Variants in PCDH15 observed in about 807,000 individuals in gnomAD.
The protein encoded by PCDH15 is protocadherin related 15.
Under a neutral mutation model 178.5 loss-of-function variants are expected in PCDH15, and 129 were observed. The ratio of observed to expected loss-of-function variants is 0.72; its 90% confidence interval spans 0.63 to 0.84. The LOEUF is 0.84. Ranked by LOEUF, PCDH15 falls within the 40% of genes least tolerant of loss-of-function variation. PCDH15 has a pLI of 0.00. For synonymous variants in PCDH15, 800 were observed against 732.0 expected (o/e 1.09, Z -1.50); for missense variants, 2,230 against 2,099.9 (o/e 1.06, Z -1.21).
intron 10 of PCDH15, among the ~76,000 whole-genome samples, chr10:54,198,856 C>G (rs931139293): frequency 6.6e-6 from 1 of 152,078 alleles, no homozygotes; most frequent in African/African-American, 2.4e-5. Flanking sequence ...AACTTTTCCT[C>G]TTTCCCCGAT....
chr10:54,582,397 T>C (rs1221637743), intron 2 of PCDH15, among the ~76,000 whole-genome samples: 1 of 152,058 alleles, frequency 6.6e-6, no homozygotes, highest in East Asian at 1.9e-4. Flanking sequence ...ACTGGTAAAA[T>C]TTACAGCTTC....
At chr10:54,454,047 TAG>T (rs1418253046) in intron 3 of PCDH15, among the ~76,000 whole-genome samples, 1 of 148,892 alleles carries the variant, frequency 6.7e-6, no homozygotes, top group Non-Finnish European at 1.5e-5. Flanking sequence ...ATAAATATAA[TAG>T]AGATTAAATA....
chr10:54,646,068 A>C (rs1736993016), intron 2 of PCDH15, among the ~76,000 whole-genome samples: 1 of 152,054 alleles, frequency 6.6e-6, no homozygotes, highest in South Asian at 2.1e-4. Flanking sequence ...CACACACTAC[A>C]TGTTTTATCG....
chr10:53,891,535 C>T (rs1263113457), intron 26 of PCDH15, among the ~76,000 whole-genome samples: 2 of 152,088 alleles, frequency 1.3e-5, no homozygotes, highest in East Asian at 3.9e-4. Context: ...ATATATGAGC[C>T]ACCAGCAAGT....
At chr10:55,362,318 A>G (rs999111334) in intron 2 of PCDH15, among the ~76,000 whole-genome samples, 4 of 152,158 alleles carry the variant, frequency 2.6e-5, no homozygotes, top group African/African-American at 9.6e-5. Context: ...AGAAATATTT[A>G]TGGCACATTC....
rs559792028 is a variant in PCDH15 at position 54,232,933 on chromosome 10, T to A, written c.985+3890A>T. On this transcript the variant is annotated intron_variant, in intron 9 of 37. Coordinates refer to ENST00000644397, the MANE Select transcript of PCDH15 (RefSeq NM_001384140.1). The stretch of plus-strand genomic sequence containing the variant: ...TTGTTTAGCTTTCTTTCTTTTTTTT[T>A]TTTTTTTTTTTTAAAGAGAGTCACC... Among the ~76,000 whole-genome samples the A allele has an allele frequency of 1.5e-4, 22 of 148,838 alleles. No individual in the cohort carries two copies. In the East Asian group the frequency reaches 3.7e-3, roughly 25 times the overall value.
intron 3 of PCDH15, among the ~76,000 whole-genome samples, chr10:54,418,621 T>C (rs992495159): frequency 2.0e-5 from 3 of 151,868 alleles, no homozygotes; most frequent in Non-Finnish European, 4.4e-5. Context: ...TTATTTATCA[T>C]TTTGTAACTT....
chr10:54,196,432 G>A (rs955454803), intron 10 of PCDH15, among the ~76,000 whole-genome samples: 2 of 152,154 alleles, frequency 1.3e-5, no homozygotes, highest in African/African-American at 4.8e-5. Context: ...GTGAGCCACC[G>A]CGCCCAGCCA....
chr10:55,006,084 T>C (rs934579818), intron 2 of PCDH15, among the ~76,000 whole-genome samples: 1 of 152,048 alleles, frequency 6.6e-6, no homozygotes, highest in Non-Finnish European at 1.5e-5. Context: ...CACAAATTTA[T>C]CATTTTTTGG....
At chr10:55,582,608 AT>A (rs1842638146) in intron 2 of PCDH15, among the ~76,000 whole-genome samples, 1 of 87,032 alleles carries the variant, frequency 1.1e-5, no homozygotes, top group Non-Finnish European at 2.1e-5. Flanking sequence ...ATATATATAT[AT>A]ATATATATAT....
intron 26 of PCDH15, among the ~76,000 whole-genome samples, chr10:53,895,423 TC>T (rs1367633412): frequency 6.6e-6 from 1 of 152,224 alleles, no homozygotes; most frequent in Non-Finnish European, 1.5e-5. Flanking sequence ...TCCATAAATT[TC>T]TTAAATTTGG....
intron 16 of PCDH15, 37 bp downstream of exon 16, chr10:54,089,947 T>A (rs1198339445): frequency 6.7e-7 from 1 of 1,489,268 alleles, no homozygotes; most frequent in African/African-American, 1.4e-5. Context: ...TACGTTGCTG[T>A]ACATTTTTTT....
intron 4 of PCDH15, among the ~76,000 whole-genome samples, chr10:54,373,706 G>A (rs918839918): frequency 2.0e-5 from 3 of 151,908 alleles, no homozygotes; most frequent in Non-Finnish European, 4.4e-5. Context: ...TTATAAAACT[G>A]ATATGAGGTG....
chr10:54,538,910 T>C (rs1427102741), intron 2 of PCDH15, among the ~76,000 whole-genome samples: 4 of 152,194 alleles, frequency 2.6e-5, no homozygotes, highest in Non-Finnish European at 5.9e-5. Flanking sequence ...TCTATTTGGG[T>C]TCTTTTTGGT....
intron 1 of PCDH15, among the ~76,000 whole-genome samples, chr10:55,279,875 A>G (rs1842683596): frequency 6.6e-6 from 1 of 152,090 alleles, no homozygotes; most frequent in African/African-American, 2.4e-5. Context: ...TCAAAACCAC[A>G]GTTTTCGATT....
At chr10:54,853,870 T>C (rs944636861) in intron 3 of PCDH15, among the ~76,000 whole-genome samples, 3 of 152,122 alleles carry the variant, frequency 2.0e-5, no homozygotes, top group Non-Finnish European at 2.9e-5. Context: ...TGCCACAAGA[T>C]CTTTGGGGTG....
chr10:54,858,460 G>T (rs1410576855), intron 3 of PCDH15, among the ~76,000 whole-genome samples: 1 of 152,030 alleles, frequency 6.6e-6, no homozygotes, highest in Non-Finnish European at 1.5e-5. Flanking sequence ...TTGCAAATCT[G>T]GGATTAGGCC....
At chr10:55,250,828 C>T (rs1841818707) in intron 1 of PCDH15, among the ~76,000 whole-genome samples, 1 of 152,006 alleles carries the variant, frequency 6.6e-6, no homozygotes, top group Non-Finnish European at 1.5e-5. Context: ...AGTCACCATG[C>T]CCAGCCAATA....
At chr10:54,628,163 G>C (rs1445635100) in intron 2 of PCDH15, among the ~76,000 whole-genome samples, 1 of 152,130 alleles carries the variant, frequency 6.6e-6, no homozygotes, top group African/African-American at 2.4e-5. Flanking sequence ...CAAGGGAACA[G>C]GTGTAGAAGT....
Sources: allele counts gnomAD v4.1 joint callset (sites outside exome capture counted in the v4.1 genomes callset), GRCh38; gene constraint gnomAD v4.1.1; transcripts MANE v1.5; gene names NCBI Gene and HGNC (gene_info 2026-07-23, HGNC 2026-07-21).